AHI1: variants seen among roughly 807,000 people sequenced by gnomAD.
AHI1 encodes Abelson helper integration site 1.
AHI1 carries 123 observed loss-of-function variants against 149.3 expected under a neutral mutation model. The observed-to-expected ratio is 0.82, with a 90% confidence interval of 0.71 to 0.96. The LOEUF (loss-of-function observed/expected upper bound fraction) is 0.96. Among genes scored for constraint, AHI1 ranks in the 40% least tolerant of loss-of-function variants. The probability of loss-of-function intolerance (pLI) is 0.00; values close to 1 mark genes in which losing one functional copy is unlikely to be tolerated. For synonymous variants in AHI1, 475 were observed against 459.8 expected (o/e 1.03, Z -0.42); for missense variants, 1,439 against 1,422.7 (o/e 1.01, Z -0.18).
intron 27 of AHI1, 130 bp downstream of exon 27, chr6:135,300,370 C>A: frequency 9.3e-7 from 1 of 1,073,500 alleles, no homozygotes; most frequent in East Asian, 2.8e-5. Context: ...AGCTAAACTC[C>A]TTTAAAATCA....
At chr6:135,342,305 C>T (rs1260255047) in intron 24 of AHI1, among the ~76,000 whole-genome samples, 1 of 151,726 alleles carries the variant, frequency 6.6e-6, no homozygotes, top group Non-Finnish European at 1.5e-5. Context: ...AAAACACTGC[C>T]CAGAATGCAT....
chr6:135,369,131 G>C (rs1428967031), intron 23 of AHI1, among the ~76,000 whole-genome samples: 1 of 152,174 alleles, frequency 6.6e-6, no homozygotes, highest in African/African-American at 2.4e-5. Context: ...ATTTCACTCG[G>C]CTCTCTAAAT....
intron 28 of AHI1, among the ~76,000 whole-genome samples, chr6:135,289,087 T>A (rs1376580585): frequency 1.3e-5 from 2 of 148,982 alleles, no homozygotes; most frequent in African/African-American, 5.2e-5. Flanking sequence ...CCATTTATAT[T>A]TATCCCTTTA....
intron 28 of AHI1, among the ~76,000 whole-genome samples, chr6:135,288,608 T>G (rs1781968040): frequency 6.6e-6 from 1 of 152,006 alleles, no homozygotes; most frequent in Admixed American, 6.5e-5. Context: ...TACTTAAAAA[T>G]CATAAACATC....
intron 22 of AHI1, among the ~76,000 whole-genome samples, chr6:135,403,297 G>C (rs1390940357): frequency 6.6e-6 from 1 of 152,142 alleles, no homozygotes. Context: ...TTTTAAAAGA[G>C]TGGGCATTAC....
chr6:135,292,379 C>T (rs539699473), intron 27 of AHI1, among the ~76,000 whole-genome samples: 4 of 152,174 alleles, frequency 2.6e-5, no homozygotes, highest in African/African-American at 9.7e-5. Context: ...AATCTATATA[C>T]AATCTATCAA....
intron 28 of AHI1, among the ~76,000 whole-genome samples, chr6:135,287,825 G>C (rs1185832032): frequency 6.6e-6 from 1 of 150,844 alleles, no homozygotes. Flanking sequence ...GGCCGGGCAT[G>C]GTGGCTCATG....
chr6:135,307,051 G>C (rs971740545), intron 26 of AHI1: 1 of 152,218 alleles, frequency 6.6e-6, no homozygotes, highest in Non-Finnish European at 1.5e-5. Context: ...TGGTGTGTAA[G>C]AGGTGGCTGC....
intron 23 of AHI1, 120 bp from the exon 24 acceptor site, chr6:135,358,307 A>C: frequency 2.3e-6 from 2 of 880,246 alleles, no homozygotes; most frequent in Non-Finnish European, 3.6e-6. Context: ...CCAAGAAAAA[A>C]GTCTCACTTG....
intron 23 of AHI1, among the ~76,000 whole-genome samples, chr6:135,371,140 A>T (rs973478162): frequency 2.0e-5 from 3 of 152,224 alleles, no homozygotes; most frequent in African/African-American, 7.2e-5. Flanking sequence ...TTATGAAACA[A>T]AATGATATAG....
intron 24 of AHI1, among the ~76,000 whole-genome samples, chr6:135,337,659 G>A (rs1789598575): frequency 6.6e-6 from 1 of 151,876 alleles, no homozygotes; most frequent in South Asian, 2.1e-4. Flanking sequence ...CTACTCAGGA[G>A]GCTGAGGTAG....
chr6:135,322,198 G>A (rs557018827), intron 25 of AHI1, among the ~76,000 whole-genome samples: 1 of 152,296 alleles, frequency 6.6e-6, no homozygotes, highest in East Asian at 1.9e-4. Flanking sequence ...TTTACAGAAG[G>A]TAACTGGGGC....
In AHI1 at chr6:135,449,031, A is replaced by G. The variant is rs527467835; in HGVS notation, c.1441-556T>C. On this transcript the variant is annotated intron_variant, in intron 11 of 28. Transcript: ENST00000265602. Reference sequence around the variant, plus strand: ...ACCCTATTAAACAAAACTTATATTTAAGCTAACTAAATGGAGGTTTTTGTC... The same window carrying G: ...ACCCTATTAAACAAAACTTATATTTGAGCTAACTAAATGGAGGTTTTTGTC... 2.6e-5 allele frequency among the ~76,000 whole-genome samples: 4 copies of G among 152,244 alleles called. No homozygotes were observed. In the South Asian group the frequency reaches 8.3e-4, roughly 32 times the overall value.
chr6:135,404,130 T>C (rs1484171918), intron 22 of AHI1, among the ~76,000 whole-genome samples: 1 of 152,198 alleles, frequency 6.6e-6, no homozygotes, highest in Non-Finnish European at 1.5e-5. Flanking sequence ...CTTTGTGATA[T>C]GTAATTATAT....
At chr6:135,488,577 A>G (rs944092715) in intron 5 of AHI1, among the ~76,000 whole-genome samples, 3 of 152,182 alleles carry the variant, frequency 2.0e-5, no homozygotes, top group African/African-American at 7.2e-5. Context: ...CTCATGTGCA[A>G]AAAAAGAATC....
chr6:135,482,097 T>C (rs972317294), intron 5 of AHI1, among the ~76,000 whole-genome samples: 4 of 152,174 alleles, frequency 2.6e-5, no homozygotes, highest in South Asian at 2.1e-4. Flanking sequence ...TGTGGGTGTA[T>C]TGTTTCCACA....
At chr6:135,359,751 T>C (rs1280037427) in intron 23 of AHI1, among the ~76,000 whole-genome samples, 2 of 152,218 alleles carry the variant, frequency 1.3e-5, no homozygotes, top group East Asian at 3.8e-4. Flanking sequence ...CTGACTGTTA[T>C]AAAATTGACC....
chr6:135,438,787 G>C (rs1445435675), intron 14 of AHI1, among the ~76,000 whole-genome samples: 2 of 151,838 alleles, frequency 1.3e-5, no homozygotes, highest in Non-Finnish European at 2.9e-5. Flanking sequence ...ATTTATATCA[G>C]TTGAATAATA....
At chr6:135,288,049 C>T (rs940979025) in intron 28 of AHI1, among the ~76,000 whole-genome samples, 7 of 151,904 alleles carry the variant, frequency 4.6e-5, no homozygotes, top group African/African-American at 1.2e-4. Context: ...GAGCCAAGAT[C>T]GCACCATTGC....
Sources: gnomAD v4.1 joint callset for allele counts (sites outside exome capture counted in the v4.1 genomes callset) on GRCh38, gnomAD v4.1.1 for gene constraint, MANE v1.5 for transcripts, NCBI Gene and HGNC (gene_info 2026-07-23, HGNC 2026-07-21) for gene names.